LAMA1: variants seen among roughly 807,000 people sequenced by gnomAD.
LAMA1 encodes laminin subunit alpha 1.
A neutral mutation model predicts 348.7 loss-of-function variants in LAMA1; 219 were observed. The ratio of observed to expected loss-of-function variants is 0.63; its 90% CI spans 0.56 to 0.70. LAMA1 has a LOEUF of 0.70. Among genes scored for constraint, LAMA1 ranks in the 30% least tolerant of loss-of-function variants. The pLI is 0.00. For synonymous variants in LAMA1, 1,487 were observed against 1,491.0 expected, an observed-to-expected ratio of 1.00 and a Z score of 0.06; for missense variants, 3,744 against 3,888.0, an observed-to-expected ratio of 0.96 and a Z score of 0.99.
intron 3 of LAMA1, among the ~76,000 whole-genome samples, chr18:7,063,674 A>C (rs1168001719): frequency 6.6e-6 from 1 of 152,244 alleles, no homozygotes; most frequent in Admixed American, 6.5e-5. Context: ...AGTCTTTAAA[A>C]GGAAGGAAAT....
intron 50 of LAMA1, 86 bp downstream of exon 50, chr18:6,965,202 C>T (rs1042081428): frequency 1.3e-6 from 2 of 1,524,650 alleles, no homozygotes; most frequent in African/African-American, 3.0e-5. Flanking sequence ...CAGGAAACTA[C>T]TGTGGAAAAA....
intron 3 of LAMA1, among the ~76,000 whole-genome samples, chr18:7,078,218 G>A (rs1489510209): frequency 1.3e-4 from 19 of 149,152 alleles, no homozygotes; most frequent in African/African-American, 4.4e-4. Context: ...CCAGGCTGGA[G>A]TGCAGTGGTG....
chr18:7,008,709 T>C, intron 27 of LAMA1, 101 bp from the exon 28 acceptor site: 2 of 1,405,748 alleles, frequency 1.4e-6, no homozygotes, highest in Non-Finnish European at 2.0e-6. Flanking sequence ...AAACCAGAGC[T>C]TTCTTCCCTG....
rs1268619401 is a variant in LAMA1, at chr18:7,023,241, C to T, written c.2624G>A (p.Gly875Glu). The T allele has an allele frequency of 3.8e-5, 62 of 1,613,868 alleles. No individual in the cohort carries two copies. The highest frequency in any genetic ancestry group is 1.7e-4 in the Middle Eastern group (1 of 5,984). The change falls in exon 19 of 63, where the codon GGG (glycine) becomes GAG (glutamate). Residue 875 changes from glycine (G) to glutamate (E), a missense_variant. By Grantham distance (98) the Gly-to-Glu change is moderately conservative (BLOSUM62 -2). Transcript: ENST00000389658. Reference protein sequence around the residue: ...SVTGECLKCLGNTDGAHCERC... With the variant: ...SVTGECLKCLENTDGAHCERC... The stretch of plus-strand genomic sequence containing the variant: ...TTCACAGTGGGCGCCATCTGTGTTC[C>T]CCAGGCACTTCAGGCACTCCCCGGT...
intron 37 of LAMA1, 32 bp downstream of exon 37, chr18:6,986,105 T>C (rs749440358): frequency 6.2e-7 from 1 of 1,611,068 alleles, no homozygotes; most frequent in Non-Finnish European, 8.5e-7. Context: ...TTACCTGTTC[T>C]AATTGAGAAG....
At chr18:7,101,661 C>T (rs1213201796) in intron 1 of LAMA1, among the ~76,000 whole-genome samples, 1 of 152,064 alleles carries the variant, frequency 6.6e-6, no homozygotes, top group African/African-American at 2.4e-5. Context: ...AGTGGATACA[C>T]GTTTTATTTA....
rs147045972 is a variant in LAMA1 at position 6,991,754 on chromosome 18, T to C, written c.5168+807A>G. Among the ~76,000 whole-genome samples the C allele has an allele frequency of 6.6e-3, 1,012 of 152,304 alleles. 6 individuals are homozygous for C. Among genetic ancestry groups the C allele is most frequent in the Non-Finnish European group, 0.01 (690 of 68,036 alleles). On this transcript the variant is annotated intron_variant, in intron 36 of 62. Transcript: ENST00000389658. ...GAAATACAGAAAAAGAAGAGATATATACAGTATAAATAAATATTTGATATT... is the reference window on the plus strand; with the variant it reads ...GAAATACAGAAAAAGAAGAGATATACACAGTATAAATAAATATTTGATATT...
At chr18:6,975,202 TC>T (rs2057676428) in intron 45 of LAMA1, among the ~76,000 whole-genome samples, 166 bp from the exon 46 acceptor site, 1 of 152,148 alleles carries the variant, frequency 6.6e-6, no homozygotes. Flanking sequence ...AATGGTCCCT[TC>T]CCTGGAGCTG....
chr18:7,094,298 C>T (rs1170168964), intron 1 of LAMA1, among the ~76,000 whole-genome samples: 1 of 151,830 alleles, frequency 6.6e-6, no homozygotes, highest in Non-Finnish European at 1.5e-5. Flanking sequence ...GTGGCAAGCA[C>T]CTGTAGTCCC....
intron 1 of LAMA1, among the ~76,000 whole-genome samples, chr18:7,094,423 T>C (rs1327189265): frequency 2.6e-5 from 3 of 115,672 alleles, no homozygotes; most frequent in South Asian, 2.6e-4. Flanking sequence ...CAAGACTCCG[T>C]CTCAAAAAAA....
chr18:7,043,533 T>C (rs1393026606), intron 7 of LAMA1, 128 bp from the exon 8 acceptor site: 2 of 761,432 alleles, frequency 2.6e-6, no homozygotes, highest in Non-Finnish European at 4.4e-6. Context: ...GTAATTTTAA[T>C]AAGATATGGG....
intron 1 of LAMA1, among the ~76,000 whole-genome samples, chr18:7,109,735 G>A (rs958301583): frequency 2.0e-4 from 31 of 152,192 alleles, no homozygotes; most frequent in Non-Finnish European, 1.5e-5. Flanking sequence ...GAAGGGCGGG[G>A]TGACTGAACT....
chr18:7,086,594 TC>T (rs2058218473), intron 1 of LAMA1, among the ~76,000 whole-genome samples: 1 of 147,424 alleles, frequency 6.8e-6, no homozygotes, highest in East Asian at 2.2e-4. Context: ...CCAGTTCTTC[TC>T]CCCCACTATC....
rs77618306 is a variant in LAMA1 at position 7,003,741 on chromosome 18, A to G, written c.4261-1356T>C. ...AACACCTGAGCAAACTCCCAGGCTGACTCACACTTTTATCCTTGGCAGTGA... is the reference window on the plus strand; with the variant it reads ...AACACCTGAGCAAACTCCCAGGCTGGCTCACACTTTTATCCTTGGCAGTGA... On this transcript the variant is annotated intron_variant, in intron 29 of 62. Transcript: ENST00000389658. Among the ~76,000 whole-genome samples the G allele has an allele frequency of 3.6e-3, 548 of 152,256 alleles. 4 individuals are homozygous for G. The highest frequency in any genetic ancestry group is 0.013 in the African/African-American group (526 of 41,544).
chr18:7,021,934 A>C (rs558863743), intron 19 of LAMA1, among the ~76,000 whole-genome samples: 1 of 150,600 alleles, frequency 6.6e-6, no homozygotes, highest in African/African-American at 2.4e-5. Flanking sequence ...TTTCATGTCT[A>C]GAACTTTAAA....
chr18:7,037,868 G>A lies in LAMA1; in HGVS notation c.1564-117C>T, dbSNP rs560141584. The A allele has an allele frequency of 2.6e-5, 25 of 951,618 alleles. No individual in the cohort carries two copies. In the African/African-American group the frequency reaches 2.9e-4, roughly 11 times the overall value. The allele number at this position is 951,618 out of a possible 1,614,324, so 58.9% of individuals were successfully genotyped here. ...TGGGCCAGAAAGCTTCTCTAGGGATGGCATTAACATAACACCTGTGGCTGC... is the reference window on the plus strand; with the variant it reads ...TGGGCCAGAAAGCTTCTCTAGGGATAGCATTAACATAACACCTGTGGCTGC... On this transcript the variant is annotated intron_variant, in intron 11 of 62. Coordinates refer to ENST00000389658, the MANE Select transcript of LAMA1 (RefSeq NM_005559.4).
At chr18:6,997,979 A>G in intron 32 of LAMA1, 95 bp from the exon 33 acceptor site, 1 of 1,099,260 alleles carries the variant, frequency 9.1e-7, no homozygotes, top group Non-Finnish European at 1.4e-6. Context: ...TGTGAAAATG[A>G]CACATGCGGT....
At chr18:7,035,590 T>C (rs2057990989) in intron 13 of LAMA1, among the ~76,000 whole-genome samples, 1 of 152,052 alleles carries the variant, frequency 6.6e-6, no homozygotes, top group African/African-American at 2.4e-5. Context: ...GCCTGGCTAA[T>C]ATTTTTTGAG....
At chr18:7,113,130 A>T (rs1276760351) in intron 1 of LAMA1, among the ~76,000 whole-genome samples, 1 of 152,202 alleles carries the variant, frequency 6.6e-6, no homozygotes, top group East Asian at 1.9e-4. Context: ...GACAGGCAAG[A>T]CAATAGCATT....
Sources: gnomAD v4.1 joint callset for allele counts (sites outside exome capture counted in the v4.1 genomes callset) on GRCh38, gnomAD v4.1.1 for gene constraint, MANE v1.5 for transcripts, NCBI Gene and HGNC (gene_info 2026-07-23, HGNC 2026-07-21) for gene names.